RPTOR: variants seen among roughly 807,000 people sequenced by gnomAD.
The protein encoded by RPTOR is regulatory-associated protein of mTOR.
A neutral mutation model predicts 169.9 loss-of-function variants in RPTOR; 21 were observed. The ratio of observed to expected loss-of-function variants is 0.12; its 90% CI spans 0.09 to 0.18. The LOEUF (loss-of-function observed/expected upper bound fraction) is 0.18. RPTOR is among the 10% of genes least tolerant of loss of function. The pLI, the probability that RPTOR is intolerant of heterozygous loss-of-function variation, is 1.00. For synonymous variants in RPTOR, 732 were observed against 753.2 expected, an observed-to-expected ratio of 0.97 and a Z score of 0.46; for missense variants, 1,133 against 1,855.9, an observed-to-expected ratio of 0.61 and a Z score of 7.16.
chr17:80,635,712 C>A (rs1249404072), intron 2 of RPTOR, among the ~76,000 whole-genome samples: 1 of 152,044 alleles, frequency 6.6e-6, no homozygotes, highest in Non-Finnish European at 1.5e-5. Context: ...AAGAGGAGGA[C>A]CAGGGTGGTT....
At chr17:80,831,725 GTCACTGTGTCACTGTGTATCCCTGTGTA>G (rs987321844) in intron 9 of RPTOR, among the ~76,000 whole-genome samples, 2 of 151,748 alleles carry the variant, frequency 1.3e-5, no homozygotes, top group Admixed American at 6.6e-5. Context: ...ATCCCTGTGT[GTCACTGTGTCACTGTGTATCCCTGTGTA>G]TCACTATGTA....
At chr17:80,583,180 C>CTTTT (rs1398903636) in intron 1 of RPTOR, among the ~76,000 whole-genome samples, 3 of 83,748 alleles carry the variant, frequency 3.6e-5, no homozygotes, top group African/African-American at 1.7e-4. Flanking sequence ...TGCCTCTTTC[C>CTTTT]TGTTTTTTTT....
chr17:80,859,487 A>G (rs2067893395), intron 13 of RPTOR, among the ~76,000 whole-genome samples: 1 of 152,192 alleles, frequency 6.6e-6, no homozygotes, highest in South Asian at 2.1e-4. Context: ...CGTGTGTGAT[A>G]CAGAGCTGGG....
chr17:80,574,920 C>A (rs548856281), intron 1 of RPTOR, among the ~76,000 whole-genome samples: 2 of 151,412 alleles, frequency 1.3e-5, no homozygotes, highest in Non-Finnish European at 2.9e-5. Context: ...CTGCCCTGGC[C>A]TCCCAAAGTG....
intron 17 of RPTOR, among the ~76,000 whole-genome samples, chr17:80,888,928 C>A (rs929935501): frequency 6.6e-6 from 1 of 152,198 alleles, no homozygotes; most frequent in Admixed American, 6.5e-5. Context: ...CAGGGAGAGG[C>A]CCAGTGCAGG....
At position 80,963,013 on chromosome 17, in the gene RPTOR, C is replaced by T; in HGVS notation, c.3895C>T (p.Gln1299Ter). The change falls in exon 33 of 34, where the codon CAG becomes TAG. Residue 1299 changes from glutamine (Q) to a stop codon, truncating the protein, a stop_gained. Transcript: ENST00000306801. LOFTEE classifies it high-confidence loss of function. ...NIKYYDGFMG[Q>*]RVGAISCLAF... ...CAAGTACTACGACGGCTTCATGGGC[C>T]AGCGGGTCGGCGCCATCAGCTGCCT... The T allele has an allele frequency of 6.2e-7, 1 of 1,603,758 alleles. No homozygotes were observed. The highest frequency in any genetic ancestry group is 8.5e-7 in the Non-Finnish European group (1 of 1,174,314).
At chr17:80,734,289 G>T (rs1567881379) in intron 5 of RPTOR, among the ~76,000 whole-genome samples, 1 of 152,108 alleles carries the variant, frequency 6.6e-6, no homozygotes, top group Non-Finnish European at 1.5e-5. Context: ...AAGCTCTCCT[G>T]CCTCGCTCAG....
At chr17:80,734,942 A>G (rs1598265882) in intron 5 of RPTOR, among the ~76,000 whole-genome samples, 1 of 152,206 alleles carries the variant, frequency 6.6e-6, no homozygotes, top group African/African-American at 2.4e-5. Flanking sequence ...TTTGAAGCAC[A>G]CCAAAGTCTG....
At chr17:80,743,142 TCTC>T (rs1337623425) in intron 5 of RPTOR, 4 of 789,202 alleles carry the variant, frequency 5.1e-6, no homozygotes, top group South Asian at 1.1e-4. Flanking sequence ...CAGCTTTCCC[TCTC>T]CTCCTTGTTA....
intron 21 of RPTOR, among the ~76,000 whole-genome samples, chr17:80,921,736 A>C (rs1343210535): frequency 6.6e-6 from 1 of 152,144 alleles, no homozygotes; most frequent in Non-Finnish European, 1.5e-5. Flanking sequence ...GGCTGGGTTG[A>C]AGGGGTGGTT....
chr17:80,629,023 GTC>G (rs1187461627), intron 2 of RPTOR, among the ~76,000 whole-genome samples: 1 of 148,790 alleles, frequency 6.7e-6, no homozygotes, highest in Non-Finnish European at 1.5e-5. Flanking sequence ...TCTTCTGTGT[GTC>G]TCTCTCTTCT....
At chr17:80,855,603 T>C in intron 12 of RPTOR, 56 bp downstream of exon 12, 1 of 1,304,588 alleles carries the variant, frequency 7.7e-7, no homozygotes, top group Non-Finnish European at 1.1e-6. Context: ...GAGATTAGGC[T>C]CCGTGTTTCA....
At position 80,925,424 on chromosome 17, in the gene RPTOR, G is replaced by C; in HGVS notation, c.2863G>C (p.Val955Leu). The C allele has an allele frequency of 1.2e-6, 2 of 1,613,680 alleles. No individual in the cohort carries two copies. The highest frequency in any genetic ancestry group is 8.5e-7 in the Non-Finnish European group (1 of 1,180,030). The change falls in exon 24 of 34, where the codon GTG (valine) becomes CTG (leucine). Residue 955 changes from valine to leucine, a missense_variant. Physicochemically the swap from Val to Leu is conservative, Grantham distance 32. Transcript: ENST00000306801. ...ACACAAAAGTTTCATCTCCGCCACG[G>C]TGCAGACGGGGTTCTGCGACTGGAG... The part of the protein sequence containing the change: ...AGHKSFISAT[V>L]QTGFCDWSAR...
intron 3 of RPTOR, among the ~76,000 whole-genome samples, chr17:80,696,889 G>A (rs1036867880): frequency 6.6e-6 from 1 of 152,182 alleles, no homozygotes; most frequent in African/African-American, 2.4e-5. Context: ...CCCCAGAGTG[G>A]GTGTTAGTGT....
chr17:80,932,403 A>G (rs904265376), intron 24 of RPTOR, among the ~76,000 whole-genome samples: 3 of 152,214 alleles, frequency 2.0e-5, no homozygotes, highest in Non-Finnish European at 2.9e-5. Context: ...CACGCCTGCC[A>G]TCAAGAGACA....
At chr17:80,660,869 C>A (rs1212479918) in intron 3 of RPTOR, among the ~76,000 whole-genome samples, 4 of 143,720 alleles carry the variant, frequency 2.8e-5, no homozygotes, top group Non-Finnish European at 6.1e-5. Flanking sequence ...CTCCCCCATA[C>A]CACCCCAAGT....
At chr17:80,937,722 G>A (rs544355050) in intron 24 of RPTOR, among the ~76,000 whole-genome samples, 4 of 152,300 alleles carry the variant, frequency 2.6e-5, no homozygotes, top group Admixed American at 2.6e-4. Context: ...GAGAGGAGGC[G>A]ACAGAGCCGA....
At position 80,646,163 on chromosome 17, in the gene RPTOR, A is replaced by G. The variant is rs1466233848; in HGVS notation, c.348+2353A>G. Among the ~76,000 whole-genome samples the G allele has an allele frequency of 6.6e-6, 1 of 152,212 alleles. No homozygotes were observed. Among genetic ancestry groups the G allele is most frequent in the Non-Finnish European group, 1.5e-5 (1 of 68,028 alleles). On this transcript the variant is annotated intron_variant, in intron 3 of 33. Coordinates refer to ENST00000306801, the MANE Select transcript of RPTOR (RefSeq NM_020761.3). This position sits in a 1 kb window ranked among gnomAD's most constrained non-coding sequence, Gnocchi z 5.0. ...TGGGATCTTTTGTCCCCATTCAGGAAGCAAAACCACAACAATGGACACCTA... is the reference window on the plus strand; with the variant it reads ...TGGGATCTTTTGTCCCCATTCAGGAGGCAAAACCACAACAATGGACACCTA...
intron 6 of RPTOR, among the ~76,000 whole-genome samples, chr17:80,757,894 CT>C (rs1476329414): frequency 6.6e-6 from 1 of 151,944 alleles, no homozygotes; most frequent in Non-Finnish European, 1.5e-5. Context: ...TATGAGTGTT[CT>C]TTTTAACTCT....
Sources: allele counts gnomAD v4.1 joint callset (sites outside exome capture counted in the v4.1 genomes callset), GRCh38; gene constraint gnomAD v4.1.1; non-coding constraint Gnocchi (gnomAD v3.1); transcripts MANE v1.5; gene names NCBI Gene and HGNC (gene_info 2026-07-23, HGNC 2026-07-21).